The following CLEC4G variants were observed in gnomAD, a reference collection of about 807,000 sequenced individuals.
CLEC4G encodes the protein C-type lectin domain family 4 member G.
In CLEC4G, 34 loss-of-function variants were observed where a neutral mutation model predicts 37.0. The ratio of observed to expected loss-of-function variants is 0.92; its 90% confidence interval spans 0.70 to 1.22. The LOEUF is 1.22. Among genes scored for constraint, CLEC4G ranks in the 50% most tolerant of loss-of-function variants. The pLI is 0.00. For missense variants in CLEC4G, 390 were observed against 392.9 expected, an observed-to-expected ratio of 0.99 and a Z score of 0.06; for synonymous variants, 167 against 165.6, an observed-to-expected ratio of 1.01 and a Z score of -0.06.
chr19:7,729,105 G>GA lies in CLEC4G; in HGVS notation c.*260dup. 1 of 612,472 alleles carries GA rather than the reference G, an allele frequency of 1.6e-6. No individual in the cohort carries two copies. The highest frequency in any genetic ancestry group is 1.5e-5 in the South Asian group (1 of 65,154). The allele number at this position is 612,472 out of a possible 1,614,324, so 37.9% of individuals were successfully genotyped here. A position where few individuals can be genotyped will look rare whatever the true frequency, so the allele number is the denominator to read the frequency against. On this transcript the variant is annotated 3_prime_UTR_variant, in exon 9 of 9. Transcript: ENST00000328853. ...GAGAGAAGTGGAGGCATATCACGGG[G>GA]ACGCAGGAGCAGGGATTTTGGAGCT...
Position 7,729,361 on chromosome 19 carries a change from C to T in CLEC4G, c.*5G>A, listed in dbSNP as rs776740397. 14 of 1,598,458 alleles carry T rather than the reference C, an allele frequency of 8.8e-6. No individual in the cohort carries two copies. The highest frequency in any genetic ancestry group is 4.0e-5 in the African/African-American group (3 of 74,612). On this transcript the variant is annotated 3_prime_UTR_variant, in exon 9 of 9. Coordinates refer to ENST00000328853, the MANE Select transcript of CLEC4G (RefSeq NM_198492.4). ...ATGGGCGCGGCTCCAGGGCACTGGG[C>T]GGGGTCAGCAGTTGTGCCTTTTCTC...
At chr19:7,731,386 A>G in intron 2 of CLEC4G, 67 bp from the exon 3 acceptor site, 1 of 1,527,182 alleles carries the variant, frequency 6.5e-7, no homozygotes, top group Non-Finnish European at 8.8e-7. Context: ...CGGGGGGTGC[A>G]GCGTCCCCCA....
Position 7,729,105 on chromosome 19 carries a change from G to C in CLEC4G, c.*261C>G. 1 of 612,472 alleles carries C rather than the reference G, an allele frequency of 1.6e-6. No individual in the cohort carries two copies. The allele number at this position is 612,472 out of a possible 1,614,324, so 37.9% of individuals were successfully genotyped here. A position where few individuals can be genotyped will look rare whatever the true frequency, so the allele number is the denominator to read the frequency against. ...GAGAGAAGTGGAGGCATATCACGGG[G>C]ACGCAGGAGCAGGGATTTTGGAGCT... On this transcript the variant is annotated 3_prime_UTR_variant, in exon 9 of 9. Coordinates refer to ENST00000328853, the MANE Select transcript of CLEC4G (RefSeq NM_198492.4).
At chr19:7,731,445 C>T in intron 2 of CLEC4G, 126 bp from the exon 3 acceptor site, 1 of 1,485,408 alleles carries the variant, frequency 6.7e-7, no homozygotes, top group African/African-American at 1.4e-5. Context: ...ACACGATGTG[C>T]ACACACGCCG....
chr19:7,730,140 C>T lies in CLEC4G; in HGVS notation c.506G>A (p.Trp169Ter). 1 of 1,613,054 alleles carries T rather than the reference C, an allele frequency of 6.2e-7. No individual in the cohort carries two copies. Among genetic ancestry groups the T allele is most frequent in the Non-Finnish European group, 8.5e-7 (1 of 1,179,712 alleles). Residue 169 changes from tryptophan to a stop codon, truncating the protein, a stop_gained, in exon 7 of 9, where the codon TGG (tryptophan) becomes TAG (stop). Transcript: ENST00000328853. LOFTEE classifies it high-confidence loss of function. This position sits in a 1 kb window ranked among gnomAD's most constrained non-coding sequence, Gnocchi z 7.3. ...GTAGCAGGAGCCCTCGAAGGACAGC[C>T]ACGACGTGGGGCACGGCTCGCAGGA... ...NNSCEPCPTS[W>*]LSFEGSCYFF...
At chr19:7,729,779 C>T in intron 8 of CLEC4G, 42 bp downstream of exon 8, 2 of 1,611,278 alleles carry the variant, frequency 1.2e-6, no homozygotes, top group South Asian at 1.1e-5. Context: ...TAGAGCCTAA[C>T]CTGTCTCCCT....
chr19:7,732,098 TC>T lies in CLEC4G; in HGVS notation c.4del (p.Asp2ThrfsTer46). M[D>X]TTRYSKWGGS... ...GCCCCACTTGCTGTACCTGGTGGTG[TC>T]CATGGCGATGCAGGCACCCAGTCCT... On this transcript the variant is annotated frameshift_variant, in exon 1 of 9. Coordinates refer to ENST00000328853, the MANE Select transcript of CLEC4G (RefSeq NM_198492.4). LOFTEE classifies it high-confidence loss of function. The T allele has an allele frequency of 6.2e-7, 1 of 1,603,834 alleles. No individual in the cohort carries two copies. Among genetic ancestry groups the T allele is most frequent in the Non-Finnish European group, 8.5e-7 (1 of 1,170,586 alleles).
Position 7,730,925 on chromosome 19 carries a change from C to T in CLEC4G, c.284-66G>A. 1.3e-6 allele frequency: 2 copies of T among 1,489,060 alleles called. No homozygotes were observed. Among genetic ancestry groups the T allele is most frequent in the Admixed American group, 2.2e-5 (1 of 45,514 alleles). 92.2% of individuals were successfully genotyped at this position (1,489,060 alleles called of 1,614,324 possible). A position where few individuals can be genotyped will look rare whatever the true frequency, so the allele number is the denominator to read the frequency against. The stretch of plus-strand genomic sequence containing the variant: ...GGGGCGGGACTTCGGAGACCAGCCC[C>T]CGCCCCGCACCACCCGCCGCAGGCC... On this transcript the variant is annotated intron_variant, in intron 4 of 8. Coordinates refer to ENST00000328853, the MANE Select transcript of CLEC4G (RefSeq NM_198492.4). The surrounding 1 kb of genome is among the most constrained non-coding windows in gnomAD (Gnocchi z 7.3).
chr19:7,731,230 C>T (rs1434314650), intron 3 of CLEC4G, 36 bp downstream of exon 3: 2 of 1,579,292 alleles, frequency 1.3e-6, no homozygotes, highest in South Asian at 1.1e-5. Flanking sequence ...CCGCCCCTCA[C>T]GCCCCGGGGG....
At position 7,729,112 on chromosome 19, in the gene CLEC4G, G is replaced by T; in HGVS notation, c.*254C>A. ...GTGGAGGCATATCACGGGGACGCAG[G>T]AGCAGGGATTTTGGAGCTAGTGGAG... On this transcript the variant is annotated 3_prime_UTR_variant, in exon 9 of 9. Transcript: ENST00000328853. 7.9e-6 allele frequency: 5 copies of T among 629,760 alleles called. No homozygotes were observed. The highest frequency in any genetic ancestry group is 2.1e-5 in the Admixed American group (1 of 47,508). The allele number at this position is 629,760 out of a possible 1,614,324, so 39.0% of individuals were successfully genotyped here. A position where few individuals can be genotyped will look rare whatever the true frequency, so the allele number is the denominator to read the frequency against.
At position 7,729,809 on chromosome 19, in the gene CLEC4G, C is replaced by T. The variant is rs746180361; in HGVS notation, c.743+12G>A. On this transcript the variant is annotated intron_variant, in intron 8 of 8. Transcript: ENST00000328853. ...CTCCCTCCCCAGGTCTCACCAGGAG[C>T]CTTTCCCTCACCTGAAGCTGAGAGA... 1.2e-6 allele frequency: 2 copies of T among 1,613,942 alleles called. No individual in the cohort carries two copies. The highest frequency in any genetic ancestry group is 2.2e-5 in the East Asian group (1 of 44,880).
chr19:7,730,193 G>T lies in CLEC4G; in HGVS notation c.479-26C>A. 1 of 1,607,916 alleles carries T rather than the reference G, an allele frequency of 6.2e-7. No individual in the cohort carries two copies. Among genetic ancestry groups the T allele is most frequent in the Non-Finnish European group, 8.5e-7 (1 of 1,177,560 alleles). Reference sequence around the variant, plus strand: ...CTGCGGGGTGGCGAGGGTCAGAGAGGTCGCGTGCTTCCAGGGGCAACGCAC... The same window carrying T: ...CTGCGGGGTGGCGAGGGTCAGAGAGTTCGCGTGCTTCCAGGGGCAACGCAC... On this transcript the variant is annotated intron_variant, in intron 6 of 8. Coordinates refer to ENST00000328853, the MANE Select transcript of CLEC4G (RefSeq NM_198492.4). This position sits in a 1 kb window ranked among gnomAD's most constrained non-coding sequence, Gnocchi z 7.3.
At position 7,730,609 on chromosome 19, in the gene CLEC4G, G is replaced by A; in HGVS notation, c.388+146C>T. 3 of 1,444,606 alleles carry A rather than the reference G, an allele frequency of 2.1e-6. No homozygotes were observed. The highest frequency in any genetic ancestry group is 2.7e-6 in the Non-Finnish European group (3 of 1,099,824). 89.5% of individuals were successfully genotyped at this position (1,444,606 alleles called of 1,614,324 possible). A position where few individuals can be genotyped will look rare whatever the true frequency, so the allele number is the denominator to read the frequency against. Reference sequence around the variant, plus strand: ...AACTGGGCAGGGTCCGGGTGTGGCCGGCGCTAGGAGTGGCAGTCAAGGTCA... The same window carrying A: ...AACTGGGCAGGGTCCGGGTGTGGCCAGCGCTAGGAGTGGCAGTCAAGGTCA... On this transcript the variant is annotated intron_variant, in intron 5 of 8. Coordinates refer to ENST00000328853, the MANE Select transcript of CLEC4G (RefSeq NM_198492.4). This position sits in a 1 kb window ranked among gnomAD's most constrained non-coding sequence, Gnocchi z 7.3.
In CLEC4G at chr19:7,731,689, A is replaced by T. The variant is rs1250633483; in HGVS notation, c.138T>A (p.Ala46=). The change falls in exon 2 of 9, where the codon GCT becomes GCA. Residue 46 remains alanine, a synonymous_variant. Transcript: ENST00000328853. Reference sequence around the variant, plus strand: ...TGGACAATAGGATACTCAGAATCACAGCCCAAAGGACTGTGGTGACCAGGA... The same window carrying T: ...TGGACAATAGGATACTCAGAATCACTGCCCAAAGGACTGTGGTGACCAGGA... ...LAVLVTTVLW[A]VILSILLSKA... 6.2e-7 allele frequency: 1 copy of T among 1,614,114 alleles called. No individual in the cohort carries two copies. The highest frequency in any genetic ancestry group is 2.2e-5 in the East Asian group (1 of 44,868).
chr19:7,729,584 C>G, intron 8 of CLEC4G, 80 bp from the exon 9 acceptor site: 4 of 1,264,732 alleles, frequency 3.2e-6, no homozygotes, highest in South Asian at 1.4e-5. Flanking sequence ...TCTTCAGGCT[C>G]TAGCCTGTTT....
rs2033421739 is a variant in CLEC4G, at chr19:7,730,954, G to GC, written c.283+71dup. On this transcript the variant is annotated intron_variant, in intron 4 of 8. Coordinates refer to ENST00000328853, the MANE Select transcript of CLEC4G (RefSeq NM_198492.4). The surrounding 1 kb of genome is among the most constrained non-coding windows in gnomAD (Gnocchi z 7.3). Reference sequence around the variant, plus strand: ...CCCGCACCACCCGCCGCAGGCCTCCGCCCCGGCCCCCCTCCCATCGCGGCC... The same window carrying GC: ...CCCGCACCACCCGCCGCAGGCCTCCGCCCCCGGCCCCCCTCCCATCGCGGCC... 4.9e-6 allele frequency: 6 copies of GC among 1,232,058 alleles called. No homozygotes were observed. Among genetic ancestry groups the GC allele is most frequent in the Admixed American group, 7.0e-5 (2 of 28,516 alleles). 76.3% of individuals were successfully genotyped at this position (1,232,058 alleles called of 1,614,324 possible). A position where few individuals can be genotyped will look rare whatever the true frequency, so the allele number is the denominator to read the frequency against.
Position 7,730,287 on chromosome 19 carries a change from G to T in CLEC4G, c.478+64C>A. On this transcript the variant is annotated intron_variant, in intron 6 of 8. Coordinates refer to ENST00000328853, the MANE Select transcript of CLEC4G (RefSeq NM_198492.4). This position sits in a 1 kb window ranked among gnomAD's most constrained non-coding sequence, Gnocchi z 7.3. ...GGTGGAGACACAGAACCAGGCCAAG[G>T]TCCAGGAGTGACAGGGTCCGCTTAC... is the stretch of plus-strand genomic sequence containing the variant. 6.3e-7 allele frequency: 1 copy of T among 1,578,598 alleles called. No individual in the cohort carries two copies.
intron 2 of CLEC4G, 123 bp downstream of exon 2, chr19:7,731,536 TAC>T: frequency 6.8e-7 from 1 of 1,474,530 alleles, no homozygotes; most frequent in Non-Finnish European, 9.1e-7. Context: ...CCCAAAGATG[TAC>T]ACACACTCTG....
chr19:7,729,971 C>T (rs759383324), intron 7 of CLEC4G, 35 bp from the exon 8 acceptor site: 63 of 1,610,920 alleles, frequency 3.9e-5, no homozygotes, highest in Non-Finnish European at 2.5e-5. Context: ...CTGCAGAGTC[C>T]GCCCCGCCCT....
Sources: allele counts gnomAD v4.1 joint callset, GRCh38; gene constraint gnomAD v4.1.1; non-coding constraint Gnocchi (gnomAD v3.1); transcripts MANE v1.5; gene names NCBI Gene and HGNC (gene_info 2026-07-23, HGNC 2026-07-21).